GLI3: variants seen among roughly 807,000 people sequenced by gnomAD.
GLI3 encodes transcription activator GLI3.
Under a neutral mutation model 100.8 loss-of-function variants are expected in GLI3, and 20 were observed. The observed-to-expected ratio is 0.20, with a 90% confidence interval of 0.14 to 0.29. GLI3 has a LOEUF of 0.29. GLI3 is among the 10% of genes least tolerant of loss of function. GLI3 has a pLI of 1.00. For missense variants in GLI3, 2,040 were observed against 2,128.5 expected (o/e 0.96, Z 0.82); for synonymous variants, 938 against 860.5 (o/e 1.09, Z -1.58).
chr7:42,108,936 C>T (rs1488459965), intron 3 of GLI3, among the ~76,000 whole-genome samples: 3 of 152,100 alleles, frequency 2.0e-5, no homozygotes, highest in Non-Finnish European at 4.4e-5. Context: ...AACACCCTCC[C>T]ACCCCTGTCT....
intron 13 of GLI3, among the ~76,000 whole-genome samples, chr7:41,968,778 AAG>A (rs1364220828): frequency 1.7e-4 from 23 of 138,880 alleles, no homozygotes; most frequent in African/African-American, 6.1e-4. Context: ...GAAAGAAAGA[AAG>A]AAAGAAAGAA....
intron 3 of GLI3, among the ~76,000 whole-genome samples, chr7:42,102,353 T>A (rs539549312): frequency 1.3e-5 from 2 of 151,906 alleles, no homozygotes; most frequent in African/African-American, 4.9e-5. Context: ...GTCCTGAGCC[T>A]GAGTTGGGGG....
intron 2 of GLI3, among the ~76,000 whole-genome samples, chr7:42,195,180 C>T (rs1318389262): frequency 2.6e-5 from 4 of 152,146 alleles, no homozygotes; most frequent in Non-Finnish European, 4.4e-5. Flanking sequence ...TTCTGTGTTG[C>T]CCCACTAACC....
At chr7:42,063,731 ACT>A (rs1784618725) in intron 4 of GLI3, among the ~76,000 whole-genome samples, 1 of 152,210 alleles carries the variant, frequency 6.6e-6, no homozygotes, top group South Asian at 2.1e-4. Flanking sequence ...TGTGACAGAC[ACT>A]GTGTTAAGTG....
At chr7:42,151,093 T>C (rs548075569) in intron 2 of GLI3, 1 of 152,348 alleles carries the variant, frequency 6.6e-6, no homozygotes, top group South Asian at 2.1e-4. Flanking sequence ...TAAAGTTAAA[T>C]GCAGGCAGGA....
At chr7:42,123,117 T>C (rs973322495) in intron 3 of GLI3, among the ~76,000 whole-genome samples, 1 of 152,234 alleles carries the variant, frequency 6.6e-6, no homozygotes, top group Non-Finnish European at 1.5e-5. Context: ...ATGTCTGAAG[T>C]ATGTGTTACT....
At chr7:42,263,182 A>T (rs1315153472) in intron 1 of GLI3, among the ~76,000 whole-genome samples, 2 of 152,192 alleles carry the variant, frequency 1.3e-5, no homozygotes, top group Non-Finnish European at 2.9e-5. Flanking sequence ...CTGAGTGCTT[A>T]CTATAGATAC....
intron 2 of GLI3, among the ~76,000 whole-genome samples, chr7:42,182,725 C>A (rs1445936529): frequency 7.9e-6 from 1 of 127,222 alleles, no homozygotes; most frequent in Non-Finnish European, 1.6e-5. Flanking sequence ...AATACACACA[C>A]ACACACACAC....
At chr7:41,977,976 T>C (rs762045839) in intron 11 of GLI3, 7 of 536,004 alleles carry the variant, frequency 1.3e-5, no homozygotes, top group African/African-American at 1.9e-5. Context: ...ATGTGGACAA[T>C]GGGTTTCATT....
chr7:42,212,754 C>G (rs542214871), intron 2 of GLI3, among the ~76,000 whole-genome samples: 1 of 152,306 alleles, frequency 6.6e-6, no homozygotes, highest in Middle Eastern at 3.4e-3. Context: ...CTCTTTCAAG[C>G]TCAGATGGGA....
At chr7:42,213,144 C>T (rs1210590938) in intron 2 of GLI3, among the ~76,000 whole-genome samples, 4 of 152,252 alleles carry the variant, frequency 2.6e-5, no homozygotes, top group South Asian at 2.1e-4. Flanking sequence ...CATTATGATG[C>T]GCTTAAACAA....
chr7:42,260,471 G>A (rs1405784017), intron 1 of GLI3, among the ~76,000 whole-genome samples: 1 of 152,212 alleles, frequency 6.6e-6, no homozygotes, highest in Non-Finnish European at 1.5e-5. Context: ...TGTATACTAT[G>A]TGTGTGTATA....
chr7:41,966,146 G>T lies in GLI3; in HGVS notation c.2927C>A (p.Pro976Gln). 6.3e-7 allele frequency: 1 copy of T among 1,595,532 alleles called. No individual in the cohort carries two copies. Among genetic ancestry groups the T allele is most frequent in the Non-Finnish European group, 8.5e-7 (1 of 1,174,922 alleles). ...PGVALPPVHA[P>Q]RRCSDGGAHG... ...GGCTCCCCCGTCGCTGCACCTCCTC[G>T]GGGCATGAACTGGAGGCAGGGCCAC... Residue 976 changes from proline to glutamine, a missense_variant, in exon 15 of 15, where the codon CCG becomes CAG. Pro to Gln is a moderately conservative substitution (Grantham distance 76). This residue lies in a region of GLI3 where 1,041 missense variants were observed against 924.0 expected (regional missense o/e 1.13). Transcript: ENST00000395925. The surrounding 1 kb of genome is among the most constrained non-coding windows in gnomAD (Gnocchi z 5.8).
intron 10 of GLI3, among the ~76,000 whole-genome samples, chr7:41,994,706 A>G (rs1788077058): frequency 1.3e-5 from 2 of 152,232 alleles, no homozygotes; most frequent in African/African-American, 4.8e-5. Context: ...TAAGAATTTC[A>G]TTCCTCAAGA....
rs537216995 is a variant in GLI3, at chr7:42,223,079, A to C, written c.124+51T>G. The C allele has an allele frequency of 1.9e-6, 3 of 1,608,938 alleles. No individual in the cohort carries two copies. The African/African-American group carries it at 4.0e-5, about 21-fold the overall frequency. ...CGCTCAATTCACAAGGAATGCAGAG[A>C]ACACAGAAATGACTCCAGGCTGGGC... On this transcript the variant is annotated intron_variant, in intron 2 of 14. Transcript: ENST00000395925.
At chr7:42,152,545 T>A in intron 2 of GLI3, 2 of 369,930 alleles carry the variant, frequency 5.4e-6, no homozygotes, top group East Asian at 1.6e-4. Flanking sequence ...ACAAGCTCAT[T>A]AGTATTCTTT....
intron 2 of GLI3, among the ~76,000 whole-genome samples, chr7:42,217,898 A>G (rs559922280): frequency 1.3e-5 from 2 of 152,366 alleles, no homozygotes; most frequent in East Asian, 3.9e-4. Flanking sequence ...GCAGAGGCTA[A>G]CGTTTGCAGA....
intron 4 of GLI3, among the ~76,000 whole-genome samples, chr7:42,075,314 C>T (rs1404371000): frequency 6.6e-6 from 1 of 152,160 alleles, no homozygotes; most frequent in Non-Finnish European, 1.5e-5. Context: ...AAGTACATCA[C>T]AAAGGCTCCA....
At chr7:42,027,093 T>C (rs964315686) in intron 7 of GLI3, among the ~76,000 whole-genome samples, 2 of 152,236 alleles carry the variant, frequency 1.3e-5, no homozygotes, top group African/African-American at 4.8e-5. Flanking sequence ...TTAATGTCTA[T>C]TAAAGCCCAT....
Sources: allele counts gnomAD v4.1 joint callset (sites outside exome capture counted in the v4.1 genomes callset), GRCh38; gene constraint gnomAD v4.1.1; regional missense constraint gnomAD v4.1.1; non-coding constraint Gnocchi (gnomAD v3.1); transcripts MANE v1.5; gene names NCBI Gene and HGNC (gene_info 2026-07-23, HGNC 2026-07-21).